DNTTIP1: variants seen among roughly 807,000 people sequenced by gnomAD.
DNTTIP1 encodes the protein deoxynucleotidyltransferase terminal interacting protein 1.
A neutral mutation model predicts 52.9 loss-of-function variants in DNTTIP1; 22 were observed. That is an observed-to-expected ratio of 0.42 (90% CI 0.30 to 0.59). The LOEUF is 0.59. Among genes scored for constraint, DNTTIP1 ranks in the 20% least tolerant of loss-of-function variants. The pLI, the probability that DNTTIP1 is intolerant of heterozygous loss-of-function variation, is 0.22. For missense variants in DNTTIP1, 286 were observed against 435.5 expected, an observed-to-expected ratio of 0.66 and a Z score of 3.06; for synonymous variants, 136 against 155.1, an observed-to-expected ratio of 0.88 and a Z score of 0.92.
intron 10 of DNTTIP1, among the ~76,000 whole-genome samples, chr20:45,808,731 C>T (rs1310164148): frequency 3.3e-5 from 5 of 152,082 alleles, no homozygotes; most frequent in African/African-American, 9.7e-5. Context: ...ATTATGCGTC[C>T]GAGAGTACAT....
intron 3 of DNTTIP1, among the ~76,000 whole-genome samples, chr20:45,794,801 A>T (rs1262913618): frequency 1.4e-4 from 18 of 130,026 alleles, no homozygotes; most frequent in Admixed American, 9.1e-4. Context: ...AAAAAAAAAA[A>T]TTTTTTTTTT....
At chr20:45,798,015 A>C (rs1347983149) in intron 4 of DNTTIP1, among the ~76,000 whole-genome samples, 9 of 152,234 alleles carry the variant, frequency 5.9e-5, no homozygotes, top group Admixed American at 5.9e-4. Context: ...TCATGCTGCT[A>C]TAAAGACACA....
Position 45,809,196 on chromosome 20 carries a change from T to C in DNTTIP1, c.795+11T>C. On this transcript the variant is annotated intron_variant, in intron 11 of 12. Coordinates refer to ENST00000372622, the MANE Select transcript of DNTTIP1 (RefSeq NM_052951.3). The surrounding 1 kb of genome is among the most constrained non-coding windows in gnomAD (Gnocchi z 4.2). ...ACAGGGGGCAAGATGGTAAGCATTA[T>C]TCATTTGTGCCACTGCCAGTGACCC... is the stretch of plus-strand genomic sequence containing the variant. 6.2e-7 allele frequency: 1 copy of C among 1,613,524 alleles called. No individual in the cohort carries two copies. Among genetic ancestry groups the C allele is most frequent in the Non-Finnish European group, 8.5e-7 (1 of 1,179,790 alleles).
At chr20:45,808,992 C>A in intron 10 of DNTTIP1, 122 bp from the exon 11 acceptor site, 1 of 816,928 alleles carries the variant, frequency 1.2e-6, no homozygotes, top group East Asian at 2.7e-5. Flanking sequence ...CCTCTAAGTC[C>A]ACCACGCTTG....
intron 10 of DNTTIP1, 58 bp downstream of exon 10, chr20:45,805,424 A>G (rs1981602027): frequency 6.4e-7 from 1 of 1,565,420 alleles, no homozygotes; most frequent in African/African-American, 1.4e-5. Context: ...TGGGAACTCC[A>G]CTCAGCACAG....
chr20:45,801,430 C>G lies in DNTTIP1; in HGVS notation c.470C>G (p.Ala157Gly), dbSNP rs765408964. 1.2e-6 allele frequency: 2 copies of G among 1,614,138 alleles called. No homozygotes were observed. The highest frequency in any genetic ancestry group is 1.7e-6 in the Non-Finnish European group (2 of 1,180,030). ...GGCCGTCAGGCAGAAGAAGAATGTG[C>G]CCATCGAGGAAGCCCCCTTCCTAAA... ...KRGRQAEEECAHRGSPLPKKR... is the reference protein window; with the variant it reads ...KRGRQAEEECGHRGSPLPKKR... Residue 157 changes from alanine to glycine, a missense_variant, in exon 6 of 13, where the codon GCC becomes GGC. By Grantham distance (60) the Ala-to-Gly change is moderately conservative. Transcript: ENST00000372622.
In DNTTIP1 at chr20:45,793,964, C is replaced by T. The variant is rs760354326; in HGVS notation, c.220C>T (p.Leu74=). Residue 74 remains leucine (L), a synonymous_variant, in exon 3 of 13, where the codon CTG becomes TTG. Transcript: ENST00000372622. ...AISMDLLRAV[L]QPSINEEIQT... is the part of the protein sequence containing the mutation. ...CTCCATGGATCTCCTCCGAGCTGTC[C>T]TGCAGCCCAGCATCAACGAGGAGAT... The T allele has an allele frequency of 1.2e-6, 2 of 1,602,410 alleles. No homozygotes were observed. Among genetic ancestry groups the T allele is most frequent in the African/African-American group, 2.7e-5 (2 of 74,848 alleles).
chr20:45,796,591 G>GA, intron 4 of DNTTIP1: 1 of 470,200 alleles, frequency 2.1e-6, no homozygotes, highest in Non-Finnish European at 4.4e-6. Context: ...AGATAGTAGA[G>GA]AACCTGTTTA....
At chr20:45,810,575 C>CTTTTTTTTTTTTTTTTTT (rs57338956) in intron 11 of DNTTIP1, among the ~76,000 whole-genome samples, 10 of 124,128 alleles carry the variant, frequency 8.1e-5, no homozygotes, top group African/African-American at 9.6e-5. Context: ...TTCTTTTTTT[C>CTTTTTTTTTTTTTTTTTT]TTTTTTTTTT....
intron 4 of DNTTIP1, among the ~76,000 whole-genome samples, chr20:45,798,274 T>C (rs1056772065): frequency 6.8e-6 from 1 of 147,132 alleles, no homozygotes; most frequent in African/African-American, 2.5e-5. Flanking sequence ...TGGGTGGGAA[T>C]TGAACAATGA....
intron 3 of DNTTIP1, among the ~76,000 whole-genome samples, chr20:45,794,506 CCTT>C (rs1430992835): frequency 6.6e-6 from 1 of 151,964 alleles, no homozygotes; most frequent in East Asian, 1.9e-4. Context: ...AATTCAGATA[CCTT>C]TTTTTTTTAA....
At chr20:45,796,787 G>A (rs543406414) in intron 4 of DNTTIP1, among the ~76,000 whole-genome samples, 11 of 152,040 alleles carry the variant, frequency 7.2e-5, no homozygotes, top group South Asian at 2.1e-4. Flanking sequence ...AGTAACTTCC[G>A]TGTTGTCAAA....
chr20:45,801,196 G>A, intron 5 of DNTTIP1, 54 bp downstream of exon 5: 2 of 1,569,446 alleles, frequency 1.3e-6, no homozygotes, highest in South Asian at 1.1e-5. Context: ...CAGGCTGGGA[G>A]GCAAGTGAAA....
intron 4 of DNTTIP1, among the ~76,000 whole-genome samples, chr20:45,797,907 TG>T (rs1981294801): frequency 6.6e-6 from 1 of 152,170 alleles, no homozygotes; most frequent in East Asian, 1.9e-4. Flanking sequence ...GTTCAACCAT[TG>T]TGGAAGTCAG....
At chr20:45,805,260 G>T in intron 9 of DNTTIP1, 46 bp from the exon 10 acceptor site, 1 of 1,614,026 alleles carries the variant, frequency 6.2e-7, no homozygotes, top group Non-Finnish European at 8.5e-7. Context: ...TTCACTAGTA[G>T]GACTACACTT....
intron 4 of DNTTIP1, among the ~76,000 whole-genome samples, chr20:45,800,196 C>A: frequency 6.6e-6 from 1 of 151,382 alleles, no homozygotes; most frequent in East Asian, 1.9e-4. Context: ...TTTGAAAAAA[C>A]ATACAGTATG....
At chr20:45,803,290 T>G (rs775961983) in intron 7 of DNTTIP1, 43 bp from the exon 8 acceptor site, 4 of 1,608,018 alleles carry the variant, frequency 2.5e-6, no homozygotes, top group Non-Finnish European at 3.4e-6. Context: ...TAGTCCTAGG[T>G]CTCACCTTGG....
intron 1 of DNTTIP1, 36 bp from the exon 2 acceptor site, chr20:45,792,641 A>T: frequency 6.6e-7 from 1 of 1,526,048 alleles, no homozygotes; most frequent in Non-Finnish European, 8.9e-7. Context: ...CCAGTGTCAC[A>T]GGCCGCAGTG....
In DNTTIP1 at chr20:45,802,064, A is replaced by C; in HGVS notation, c.557+7A>C. 4 of 1,614,024 alleles carry C rather than the reference A, an allele frequency of 2.5e-6. No individual in the cohort carries two copies. The highest frequency in any genetic ancestry group is 3.4e-6 in the Non-Finnish European group (4 of 1,180,014). Reference sequence around the variant, plus strand: ...GGGCAGCCGCCGGCATGGTGTGAGTAGGGACCAACAGTGTGGTGAGAGCAT... The same window carrying C: ...GGGCAGCCGCCGGCATGGTGTGAGTCGGGACCAACAGTGTGGTGAGAGCAT... On this transcript the variant is annotated splice_region_variant and intron_variant, in intron 7 of 12. Transcript: ENST00000372622.
Sources: allele counts gnomAD v4.1 joint callset (sites outside exome capture counted in the v4.1 genomes callset), GRCh38; gene constraint gnomAD v4.1.1; non-coding constraint Gnocchi (gnomAD v3.1); transcripts MANE v1.5; gene names NCBI Gene and HGNC (gene_info 2026-07-23, HGNC 2026-07-21).